BCL11A: variants seen among roughly 807,000 people sequenced by gnomAD.
BCL11A encodes B cell CLL/lymphoma 11A.
Under a neutral mutation model 55.9 loss-of-function variants are expected in BCL11A, and 2 were observed. The ratio of observed to expected loss-of-function variants is 0.04; its 90% CI spans 0.01 to 0.11. The LOEUF is 0.11. Among genes scored for constraint, BCL11A ranks in the 10% least tolerant of loss-of-function variants. The pLI is 1.00. For synonymous variants in BCL11A, 465 were observed against 473.4 expected (o/e 0.98, Z 0.23); for missense variants, 817 against 1,137.1 (o/e 0.72, Z 4.05).
chr2:60,507,755 G>A (rs988966327), intron 2 of BCL11A, among the ~76,000 whole-genome samples: 6 of 152,110 alleles, frequency 3.9e-5, no homozygotes, highest in South Asian at 2.1e-4. Context: ...GACAGAAAGC[G>A]GGTGGGGTGG....
intron 1 of BCL11A, among the ~76,000 whole-genome samples, chr2:60,552,200 G>C (rs1217440881): frequency 6.6e-6 from 1 of 151,630 alleles, no homozygotes; most frequent in Non-Finnish European, 1.5e-5. Flanking sequence ...AGAGCGTTTG[G>C]CTTCGGTTTG....
intron 2 of BCL11A, among the ~76,000 whole-genome samples, chr2:60,496,989 T>A (rs534530786): frequency 9.2e-5 from 14 of 152,344 alleles, no homozygotes; most frequent in African/African-American, 3.4e-4. Context: ...TACTTCACGA[T>A]AAATCTGGAT....
chr2:60,481,269 T>A lies in BCL11A; in HGVS notation c.386-12436A>T, dbSNP rs574032783. ...CCCAAACCTAGCCACCCATCTCTGC[T>A]TGGGACATGCTGGAAGGCAAGAAGA... On this transcript the variant is annotated intron_variant, in intron 2 of 3. Transcript: ENST00000642384. Among the ~76,000 whole-genome samples, 34 of 152,098 alleles carry A rather than the reference T, an allele frequency of 2.2e-4. No individual in the cohort carries two copies. In the East Asian group the frequency reaches 6.2e-3, roughly 28 times the overall value.
chr2:60,510,874 G>C (rs1281978969), intron 2 of BCL11A, among the ~76,000 whole-genome samples: 1 of 152,202 alleles, frequency 6.6e-6, no homozygotes, highest in Non-Finnish European at 1.5e-5. Context: ...AAGAGCTTTT[G>C]CATTATAATG....
intron 2 of BCL11A, among the ~76,000 whole-genome samples, chr2:60,515,221 C>T (rs942123445): frequency 3.3e-5 from 5 of 152,200 alleles, no homozygotes; most frequent in Non-Finnish European, 7.3e-5. Flanking sequence ...CTATCCCAAC[C>T]CCAGCACTTT....
At chr2:60,453,991 G>A (rs1236805106), downstream of BCL11A, among the ~76,000 whole-genome samples, 2 of 152,112 alleles carry the variant, frequency 1.3e-5, no homozygotes, top group Non-Finnish European at 2.9e-5. Context: ...TTGGAAGGGA[G>A]GAATTAATGG....
intron 2 of BCL11A, among the ~76,000 whole-genome samples, chr2:60,507,295 AGGGGAGGGGAGGGGAG>A (rs1679681701): frequency 1.7e-3 from 2 of 1,170 alleles, no homozygotes; most frequent in Non-Finnish European, 1.5e-3. Flanking sequence ...AGGGGAGGGG[AGGGGAGGGGAGGGGAG>A]GGGAGGGGAA....
exon 5 of BCL11A, chr2:60,451,349 CTATTTTAA>C (rs2103735661): frequency 8.8e-6 from 2 of 228,064 alleles, no homozygotes; most frequent in East Asian, 1.3e-4. Flanking sequence ...ATTGACAAAC[CTATTTTAA>C]TTTGCTATGT....
intron 2 of BCL11A, among the ~76,000 whole-genome samples, chr2:60,505,919 T>C (rs1204167023): frequency 6.6e-6 from 1 of 152,082 alleles, no homozygotes; most frequent in African/African-American, 2.4e-5. Context: ...CCAGAAGCAA[T>C]AGCAGCCCCA....
intron 2 of BCL11A, among the ~76,000 whole-genome samples, chr2:60,509,393 C>T (rs771165429): frequency 5.9e-5 from 9 of 152,292 alleles, no homozygotes; most frequent in East Asian, 1.9e-4. Context: ...AGGGGCTAAC[C>T]GTGGACCTGA....
Position 60,459,806 on chromosome 2 carries a change from T to C in BCL11A, c.*598A>G, listed in dbSNP as rs74493918. ...CCTTTAGAGACAGACATTTAGCTCA[T>C]AGAGATTTTTTTTCAGTGCTATCTA... On this transcript the variant is annotated 3_prime_UTR_variant, in exon 4 of 4. Coordinates refer to ENST00000642384, the MANE Select transcript of BCL11A (RefSeq NM_022893.4). 1.5e-5 allele frequency: 16 copies of C among 1,043,268 alleles called. No homozygotes were observed. The highest frequency in any genetic ancestry group is 1.4e-4 in the South Asian group (3 of 21,798). The allele number at this position is 1,043,268 out of a possible 1,614,324, so 64.6% of individuals were successfully genotyped here. A position where few individuals can be genotyped will look rare whatever the true frequency, so the allele number is the denominator to read the frequency against.
intron 2 of BCL11A, chr2:60,527,477 C>A (rs1248419658): frequency 6.6e-6 from 1 of 152,284 alleles, no homozygotes; most frequent in Admixed American, 6.5e-5. Context: ...CCATTGAGGA[C>A]GTCCATGCCC....
At chr2:60,468,664 G>T in intron 3 of BCL11A, 68 bp downstream of exon 3, 1 of 1,193,338 alleles carries the variant, frequency 8.4e-7, no homozygotes. Flanking sequence ...TAAAAAGTAA[G>T]GGCAATTTCC....
chr2:60,533,152 G>A (rs994296162), intron 2 of BCL11A: 5 of 152,186 alleles, frequency 3.3e-5, no homozygotes, highest in African/African-American at 7.2e-5. Context: ...CCATGCTCAC[G>A]TTTTTAACTC....
chr2:60,536,092 G>A (rs1669657464), intron 2 of BCL11A: 3 of 152,186 alleles, frequency 2.0e-5, no homozygotes, highest in African/African-American at 7.2e-5. Flanking sequence ...TGGTGTGCAA[G>A]TCAGACTGAG....
intron 2 of BCL11A, among the ~76,000 whole-genome samples, chr2:60,531,788 A>G (rs932789202): frequency 6.6e-6 from 1 of 152,116 alleles, no homozygotes; most frequent in Non-Finnish European, 1.5e-5. Flanking sequence ...TCGGGAAGTT[A>G]CCCACAGGCT....
chr2:60,495,017 A>G (rs1374049014), intron 2 of BCL11A, among the ~76,000 whole-genome samples: 1 of 152,140 alleles, frequency 6.6e-6, no homozygotes, highest in East Asian at 1.9e-4. Context: ...AAAAATGGAC[A>G]ATTATGAGGA....
chr2:60,452,705 A>C (rs1273861369), downstream of BCL11A: 1 of 1,485,852 alleles, frequency 6.7e-7, no homozygotes, highest in Non-Finnish European at 9.4e-7. Flanking sequence ...GGAAAAAAAA[A>C]GTACAGGTGT....
intron 2 of BCL11A, chr2:60,534,211 G>A (rs1573074226): frequency 6.6e-6 from 1 of 152,250 alleles, no homozygotes; most frequent in Admixed American, 6.5e-5. Flanking sequence ...GGGAGCCCAG[G>A]GAGCCTGGAG....
Sources: gnomAD v4.1 joint callset for allele counts (sites outside exome capture counted in the v4.1 genomes callset) on GRCh38, gnomAD v4.1.1 for gene constraint, MANE v1.5 for transcripts, NCBI Gene and HGNC (gene_info 2026-07-23, HGNC 2026-07-21) for gene names.